Variants in NPAS3 observed in about 807,000 individuals in gnomAD.
NPAS3 encodes neuronal PAS domain protein 3.
A neutral mutation model predicts 73.1 loss-of-function variants in NPAS3; 14 were observed. The observed-to-expected ratio is 0.19, with a 90% CI of 0.13 to 0.30. The LOEUF (loss-of-function observed/expected upper bound fraction) is 0.30, where lower values mean the gene tolerates loss of function less well. Among genes scored for constraint, NPAS3 ranks in the 10% least tolerant of loss-of-function variants. The probability of loss-of-function intolerance (pLI) is 1.00; values close to 1 mark genes in which losing one functional copy is unlikely to be tolerated. For missense variants in NPAS3, 1,096 were observed against 1,250.0 expected (o/e 0.88, Z 1.86); for synonymous variants, 620 against 541.5 (o/e 1.14, Z -2.01).
intron 3 of NPAS3, among the ~76,000 whole-genome samples, chr14:33,260,217 T>A (rs985738368): frequency 3.9e-5 from 6 of 152,214 alleles, no homozygotes; most frequent in Admixed American, 3.3e-4. Context: ...TCCTTATGTT[T>A]GTACCTTGAT....
chr14:33,658,358 A>G (rs1207249021), intron 5 of NPAS3, among the ~76,000 whole-genome samples: 1 of 152,160 alleles, frequency 6.6e-6, no homozygotes, highest in Non-Finnish European at 1.5e-5. Flanking sequence ...TTATATTATG[A>G]CTTTTTATAT....
intron 7 of NPAS3, among the ~76,000 whole-genome samples, chr14:33,739,053 A>C (rs1421735708): frequency 6.6e-6 from 1 of 152,188 alleles, no homozygotes; most frequent in African/African-American, 2.4e-5. Flanking sequence ...CGAAGTATTT[A>C]TCCACACACA....
intron 7 of NPAS3, among the ~76,000 whole-genome samples, chr14:33,737,071 A>C (rs1330019094): frequency 6.6e-6 from 1 of 152,182 alleles, no homozygotes; most frequent in Non-Finnish European, 1.5e-5. Flanking sequence ...AGCATTCTCA[A>C]TGTCACACGT....
intron 6 of NPAS3, among the ~76,000 whole-genome samples, chr14:33,718,268 T>C (rs2061011623): frequency 6.6e-6 from 1 of 152,176 alleles, no homozygotes; most frequent in Non-Finnish European, 1.5e-5. Context: ...TTCTCATCCC[T>C]TAATCCTTTG....
intron 4 of NPAS3, among the ~76,000 whole-genome samples, chr14:33,405,877 T>C (rs909995135): frequency 6.6e-6 from 1 of 152,138 alleles, no homozygotes; most frequent in African/African-American, 2.4e-5. Context: ...TTCAGAGCTG[T>C]GTGTGTTAAT....
At chr14:33,677,561 G>A (rs574912245) in intron 6 of NPAS3, among the ~76,000 whole-genome samples, 114 of 151,666 alleles carry the variant, frequency 7.5e-4, no homozygotes, top group African/African-American at 2.5e-3. Flanking sequence ...AACATACTTC[G>A]AAGACAATAA....
At chr14:33,221,845 G>A (rs1429458338) in intron 3 of NPAS3, among the ~76,000 whole-genome samples, 1 of 151,730 alleles carries the variant, frequency 6.6e-6, no homozygotes, top group Non-Finnish European at 1.5e-5. Context: ...CCTTTGTAGG[G>A]GTAAAAGTGT....
At chr14:33,279,728 A>G (rs1353508329) in intron 3 of NPAS3, among the ~76,000 whole-genome samples, 1 of 152,128 alleles carries the variant, frequency 6.6e-6, no homozygotes, top group South Asian at 2.1e-4. Flanking sequence ...CATTGGGGGG[A>G]AGGAACAGTT....
chr14:33,014,052 G>T (rs2039306007), intron 1 of NPAS3, among the ~76,000 whole-genome samples: 1 of 152,152 alleles, frequency 6.6e-6, no homozygotes, highest in Admixed American at 6.5e-5. Flanking sequence ...CATCTTCAGT[G>T]CAGGATCAGT....
At chr14:33,321,997 C>T (rs1049251995) in intron 3 of NPAS3, among the ~76,000 whole-genome samples, 7 of 152,054 alleles carry the variant, frequency 4.6e-5, no homozygotes, top group Non-Finnish European at 8.8e-5. Context: ...ATGAGCCAGT[C>T]GGGTTTTGTG....
At chr14:33,182,947 A>G (rs1325849421) in intron 2 of NPAS3, among the ~76,000 whole-genome samples, 1 of 152,154 alleles carries the variant, frequency 6.6e-6, no homozygotes, top group Non-Finnish European at 1.5e-5. Context: ...GTGACATTGA[A>G]TTGTCAACAG....
At chr14:32,943,941 C>A (rs1450565358) in intron 1 of NPAS3, among the ~76,000 whole-genome samples, 3 of 152,172 alleles carry the variant, frequency 2.0e-5, no homozygotes, top group Non-Finnish European at 2.9e-5. Flanking sequence ...CTGCCTGCCT[C>A]AGCCTCCCAA....
At chr14:33,461,396 T>A (rs2050258907) in intron 4 of NPAS3, among the ~76,000 whole-genome samples, 1 of 152,242 alleles carries the variant, frequency 6.6e-6, no homozygotes, top group African/African-American at 2.4e-5. Flanking sequence ...TTTATCCTGG[T>A]GTTTTTAAAA....
intron 3 of NPAS3, among the ~76,000 whole-genome samples, chr14:33,361,004 G>T (rs1382142783): frequency 6.6e-6 from 1 of 152,080 alleles, no homozygotes; most frequent in Non-Finnish European, 1.5e-5. Context: ...GGGAAGTGTG[G>T]GTTCTCTCAC....
At chr14:33,668,463 A>G (rs1270312753) in intron 5 of NPAS3, among the ~76,000 whole-genome samples, 2 of 150,612 alleles carry the variant, frequency 1.3e-5, no homozygotes, top group Admixed American at 1.3e-4. Context: ...CATAACACAA[A>G]TGGAAAAAAT....
intron 2 of NPAS3, among the ~76,000 whole-genome samples, chr14:33,087,106 T>C (rs897990731): frequency 1.4e-5 from 2 of 147,420 alleles, no homozygotes; most frequent in African/African-American, 2.5e-5. Context: ...CAATATAATA[T>C]TGTATAATAT....
chr14:33,300,670 C>T (rs1339980739), intron 3 of NPAS3, among the ~76,000 whole-genome samples: 1 of 152,124 alleles, frequency 6.6e-6, no homozygotes, highest in Non-Finnish European at 1.5e-5. Context: ...CAGGGGCTGG[C>T]CATAGAGCAG....
intron 5 of NPAS3, among the ~76,000 whole-genome samples, chr14:33,606,909 C>G (rs1207532016): frequency 1.3e-5 from 2 of 151,994 alleles, no homozygotes; most frequent in African/African-American, 4.8e-5. Context: ...ATTTAATGGG[C>G]AAAATATTTG....
At chr14:33,626,771 GA>G (rs554618489) in intron 5 of NPAS3, among the ~76,000 whole-genome samples, 199 of 152,246 alleles carry the variant, frequency 1.3e-3, no homozygotes, top group African/African-American at 4.4e-3. Context: ...ACAATAAGTA[GA>G]AAAGAAACCA....
Sources: gnomAD v4.1 joint callset for allele counts (sites outside exome capture counted in the v4.1 genomes callset) on GRCh38, gnomAD v4.1.1 for gene constraint, MANE v1.5 for transcripts, NCBI Gene and HGNC (gene_info 2026-07-23, HGNC 2026-07-21) for gene names.